SCNN1B: variants seen among roughly 807,000 people sequenced by gnomAD.
SCNN1B encodes the protein sodium channel epithelial 1 subunit beta.
In SCNN1B, 46 loss-of-function variants were observed where a neutral mutation model predicts 65.3. The observed-to-expected ratio is 0.70, with a 90% CI of 0.56 to 0.90. SCNN1B has a LOEUF of 0.90. Among genes scored for constraint, SCNN1B ranks in the 40% least tolerant of loss-of-function variants. The pLI, the probability that SCNN1B is intolerant of heterozygous loss-of-function variation, is 0.00. For missense variants in SCNN1B, 751 were observed against 830.5 expected (o/e 0.90, Z 1.18); for synonymous variants, 349 against 330.6 (o/e 1.06, Z -0.60).
At chr16:23,340,851 T>C (rs376334181) in intron 1 of SCNN1B, among the ~76,000 whole-genome samples, 3 of 152,334 alleles carry the variant, frequency 2.0e-5, no homozygotes, top group East Asian at 3.9e-4. Context: ...GAAATGTCTT[T>C]CAACTTGTTT....
chr16:23,358,579 T>G (rs1962466548), intron 4 of SCNN1B: 1 of 152,204 alleles, frequency 6.6e-6, no homozygotes, highest in African/African-American at 2.4e-5. Flanking sequence ...TAATAAATAA[T>G]AGTTATAACT....
At chr16:23,341,770 C>T (rs553059496) in intron 1 of SCNN1B, among the ~76,000 whole-genome samples, 2 of 152,242 alleles carry the variant, frequency 1.3e-5, no homozygotes, top group South Asian at 2.1e-4. Flanking sequence ...TTGAAACCAA[C>T]GTAAGATATC....
intron 8 of SCNN1B, among the ~76,000 whole-genome samples, chr16:23,376,773 A>G (rs1014033278): frequency 2.0e-5 from 3 of 152,012 alleles, no homozygotes; most frequent in African/African-American, 7.2e-5. Flanking sequence ...AAGAAAGAAA[A>G]AAAAAAGTAA....
chr16:23,342,216 A>C (rs1326356993), intron 1 of SCNN1B, among the ~76,000 whole-genome samples: 2 of 152,232 alleles, frequency 1.3e-5, no homozygotes, highest in Non-Finnish European at 1.5e-5. Context: ...AAGTGAAAGA[A>C]GCCAGTCAGA....
intron 1 of SCNN1B, among the ~76,000 whole-genome samples, chr16:23,321,715 C>T (rs1367179678): frequency 1.3e-5 from 2 of 152,136 alleles, no homozygotes; most frequent in East Asian, 1.9e-4. Context: ...ACGGTGGCTG[C>T]TATCATCAGC....
intron 11 of SCNN1B, among the ~76,000 whole-genome samples, chr16:23,379,759 A>C (rs1170568584): frequency 6.6e-6 from 1 of 152,118 alleles, no homozygotes; most frequent in Non-Finnish European, 1.5e-5. Flanking sequence ...CCTGTAGGGA[A>C]CTGGTAGTCA....
chr16:23,380,255 T>C lies in SCNN1B; in HGVS notation c.1542+86T>C, dbSNP rs1963013264. On this transcript the variant is annotated intron_variant, in intron 12 of 12. Transcript: ENST00000343070. This position sits in a 1 kb window ranked among gnomAD's most constrained non-coding sequence, Gnocchi z 5.4. ...GGTGGGGGAAGGGTTCTGAGCCCTA[T>C]GAAGGAATTAGGAAGATCCCTAAGA... The C allele has an allele frequency of 8.7e-6, 13 of 1,500,634 alleles. No individual in the cohort carries two copies. The South Asian group carries it at 1.4e-4, about 16-fold the overall frequency. 93.0% of individuals were successfully genotyped at this position (1,500,634 alleles called of 1,614,324 possible).
At chr16:23,349,974 A>C (rs556290670) in intron 2 of SCNN1B, among the ~76,000 whole-genome samples, 18 of 152,148 alleles carry the variant, frequency 1.2e-4, no homozygotes, top group African/African-American at 4.1e-4. Flanking sequence ...GCTACTTAGG[A>C]GGCTGAGGCA....
chr16:23,380,408 C>T lies in SCNN1B; in HGVS notation c.1543-13C>T, dbSNP rs1963017937. The T allele has an allele frequency of 6.2e-7, 1 of 1,614,088 alleles. No homozygotes were observed. The highest frequency in any genetic ancestry group is 8.5e-7 in the Non-Finnish European group (1 of 1,180,038). On this transcript the variant is annotated splice_polypyrimidine_tract_variant and intron_variant, in intron 12 of 12. Transcript: ENST00000343070. The surrounding 1 kb of genome is among the most constrained non-coding windows in gnomAD (Gnocchi z 5.4). ...TGTGGCCTGAGCTCACCCCAGCTCC[C>T]TGTTCCCCACAGATCGTCTGGCTGC...
chr16:23,287,014 T>C, intron 2 of SCNN1B, among the ~76,000 whole-genome samples: 1 of 151,460 alleles, frequency 6.6e-6, no homozygotes. Context: ...GTTGTTTTTT[T>C]TTTTTTTGAG....
intron 1 of SCNN1B, among the ~76,000 whole-genome samples, chr16:23,342,713 T>C (rs1410930589): frequency 6.6e-6 from 1 of 152,108 alleles, no homozygotes; most frequent in African/African-American, 2.4e-5. Flanking sequence ...TGAATTTGTG[T>C]TGGGCCACAT....
At chr16:23,340,667 A>C (rs1432068727) in intron 1 of SCNN1B, among the ~76,000 whole-genome samples, 1 of 152,196 alleles carries the variant, frequency 6.6e-6, no homozygotes, top group Non-Finnish European at 1.5e-5. Context: ...AGGAACTGGA[A>C]TTACAGGTGT....
chr16:23,380,300 T>A lies in SCNN1B; in HGVS notation c.1543-121T>A. On this transcript the variant is annotated intron_variant, in intron 12 of 12. Coordinates refer to ENST00000343070, the MANE Select transcript of SCNN1B (RefSeq NM_000336.3). The surrounding 1 kb of genome is among the most constrained non-coding windows in gnomAD (Gnocchi z 5.4). ...CTAAGACAGTCCCAAGTTATTCCCC[T>A]GGGCCAAGATGGTCACCCCCTCCCG... 1 of 1,535,994 alleles carries A rather than the reference T, an allele frequency of 6.5e-7. No individual in the cohort carries two copies. The highest frequency in any genetic ancestry group is 9.0e-7 in the Non-Finnish European group (1 of 1,112,062).
chr16:23,368,011 A>G, intron 5 of SCNN1B, 52 bp downstream of exon 5: 1 of 1,330,028 alleles, frequency 7.5e-7, no homozygotes, highest in Non-Finnish European at 1.1e-6. Flanking sequence ...AACCACCCCC[A>G]CAATGTGGGA....
chr16:23,341,363 A>G (rs1224129524), intron 1 of SCNN1B, among the ~76,000 whole-genome samples: 2 of 152,206 alleles, frequency 1.3e-5, no homozygotes, highest in Non-Finnish European at 2.9e-5. Context: ...CTTAGAGTAA[A>G]GCATAGAAAC....
At chr16:23,368,747 A>G (rs890068715) in intron 5 of SCNN1B, among the ~76,000 whole-genome samples, 4 of 152,210 alleles carry the variant, frequency 2.6e-5, no homozygotes, top group Non-Finnish European at 5.9e-5. Flanking sequence ...TATGCTGAGT[A>G]TTCTGAGCAG....
intron 4 of SCNN1B, chr16:23,358,221 G>C (rs1215658969): frequency 6.6e-6 from 1 of 152,236 alleles, no homozygotes; most frequent in Non-Finnish European, 1.5e-5. Context: ...GTGAGGGACG[G>C]GTGGTCCCCC....
intron 4 of SCNN1B, among the ~76,000 whole-genome samples, chr16:23,360,703 A>T (rs1178787994): frequency 7.1e-6 from 1 of 141,722 alleles, no homozygotes; most frequent in Non-Finnish European, 1.5e-5. Context: ...TCAAGTGATT[A>T]TCGTGTCTCA....
intron 1 of SCNN1B, among the ~76,000 whole-genome samples, chr16:23,320,764 C>T (rs1961570864): frequency 6.6e-6 from 1 of 152,216 alleles, no homozygotes; most frequent in African/African-American, 2.4e-5. Flanking sequence ...TGGGTAGGCC[C>T]TGGCCTTCAG....
Sources: allele counts gnomAD v4.1 joint callset (sites outside exome capture counted in the v4.1 genomes callset), GRCh38; gene constraint gnomAD v4.1.1; non-coding constraint Gnocchi (gnomAD v3.1); transcripts MANE v1.5; gene names NCBI Gene and HGNC (gene_info 2026-07-23, HGNC 2026-07-21).